Variants in FGF14 observed in about 807,000 individuals in gnomAD.
The protein encoded by FGF14 is fibroblast growth factor 14, also known as fibroblast growth factor homologous factor 4.
A neutral mutation model predicts 25.5 loss-of-function variants in FGF14; 5 were observed. The observed-to-expected ratio is 0.20, with a 90% CI of 0.10 to 0.41. The LOEUF is 0.41. Among genes scored for constraint, FGF14 ranks in the 10% least tolerant of loss-of-function variants. FGF14 has a pLI of 1.00. For synonymous variants in FGF14, 138 were observed against 118.3 expected (o/e 1.17, Z -1.08); for missense variants, 222 against 320.1 (o/e 0.69, Z 2.34).
chr13:102,055,521 T>G (rs1223515305), intron 1 of FGF14, among the ~76,000 whole-genome samples: 1 of 152,232 alleles, frequency 6.6e-6, no homozygotes, highest in African/African-American at 2.4e-5. Context: ...TGGAATAAAA[T>G]CTAAACTCTT....
chr13:101,912,564 T>C (rs1372513885), intron 1 of FGF14, among the ~76,000 whole-genome samples: 2 of 152,220 alleles, frequency 1.3e-5, no homozygotes, highest in African/African-American at 4.8e-5. Context: ...ATTTGCAAAC[T>C]GTTGATTTCC....
At chr13:101,785,342 T>C (rs2039745235) in intron 3 of FGF14, among the ~76,000 whole-genome samples, 1 of 135,322 alleles carries the variant, frequency 7.4e-6, no homozygotes. Context: ...GCCTAGCTTC[T>C]CCCAAAGATT....
intron 1 of FGF14, among the ~76,000 whole-genome samples, chr13:102,399,364 C>G (rs2058650608): frequency 3.3e-5 from 5 of 152,218 alleles, no homozygotes; most frequent in Admixed American, 3.3e-4. Flanking sequence ...TGTTTTTGCA[C>G]TATTCCTTTC....
intron 3 of FGF14, among the ~76,000 whole-genome samples, chr13:101,747,935 A>G (rs1251736732): frequency 6.6e-6 from 1 of 152,090 alleles, no homozygotes; most frequent in Non-Finnish European, 1.5e-5. Flanking sequence ...TGCACCAGAA[A>G]GAATAATTAT....
At chr13:102,326,623 A>C (rs2056432527) in intron 1 of FGF14, among the ~76,000 whole-genome samples, 1 of 136,650 alleles carries the variant, frequency 7.3e-6, no homozygotes, top group South Asian at 2.8e-4. Context: ...GAAGGAGGGA[A>C]GGAGGGAAAG....
chr13:101,840,132 G>A (rs1052842716), intron 3 of FGF14, among the ~76,000 whole-genome samples: 1 of 151,972 alleles, frequency 6.6e-6, no homozygotes, highest in Admixed American at 6.6e-5. Flanking sequence ...CCAATGTAAA[G>A]TGGACACCTG....
At chr13:101,837,691 A>C (rs565116959) in intron 3 of FGF14, among the ~76,000 whole-genome samples, 2 of 152,228 alleles carry the variant, frequency 1.3e-5, no homozygotes, top group East Asian at 3.9e-4. Flanking sequence ...AAACTTCCTT[A>C]AAATAATCTA....
intron 3 of FGF14, among the ~76,000 whole-genome samples, chr13:101,735,580 C>T (rs534374837): frequency 1.8e-3 from 279 of 152,026 alleles, no homozygotes; most frequent in Non-Finnish European, 3.3e-3. Context: ...CAACCTGTAT[C>T]CACCTTTTCC....
chr13:101,837,759 C>A (rs548774209), intron 3 of FGF14, among the ~76,000 whole-genome samples: 1 of 151,922 alleles, frequency 6.6e-6, no homozygotes, highest in African/African-American at 2.4e-5. Context: ...ATTGTCCTTG[C>A]GATGGTTAAT....
intron 1 of FGF14, among the ~76,000 whole-genome samples, chr13:102,281,661 G>A (rs922084151): frequency 1.1e-4 from 17 of 148,704 alleles, no homozygotes; most frequent in African/African-American, 2.5e-4. Flanking sequence ...TTTATCTTAC[G>A]TATTCCACTA....
chr13:101,789,932 ATTC>A (rs1406277759), intron 3 of FGF14, among the ~76,000 whole-genome samples: 3 of 151,502 alleles, frequency 2.0e-5, no homozygotes, highest in African/African-American at 7.3e-5. Flanking sequence ...CCCTTACATT[ATTC>A]TTATTTTTTT....
At chr13:102,265,906 GA>G (rs547933594) in intron 1 of FGF14, among the ~76,000 whole-genome samples, 48 of 150,462 alleles carry the variant, frequency 3.2e-4, no homozygotes, top group South Asian at 2.1e-3. Context: ...AATATAAGAA[GA>G]AAAAAAAATT....
intron 1 of FGF14, among the ~76,000 whole-genome samples, chr13:102,216,282 C>A (rs1022466183): frequency 1.3e-5 from 2 of 152,106 alleles, no homozygotes; most frequent in Non-Finnish European, 2.9e-5. Context: ...AGATAGAATG[C>A]CTGGCTTCAC....
intron 3 of FGF14, among the ~76,000 whole-genome samples, chr13:101,860,615 T>C (rs991000254): frequency 6.6e-6 from 1 of 152,012 alleles, no homozygotes; most frequent in Non-Finnish European, 1.5e-5. Context: ...CTCACTCTGT[T>C]GCCCAGGCTG....
chr13:102,004,075 C>T (rs1479018957), intron 1 of FGF14, among the ~76,000 whole-genome samples: 1 of 152,136 alleles, frequency 6.6e-6, no homozygotes, highest in East Asian at 1.9e-4. Context: ...CAGATTTCAT[C>T]AGGGAGCTTG....
intron 3 of FGF14, among the ~76,000 whole-genome samples, chr13:101,811,587 T>A (rs575143600): frequency 6.6e-6 from 1 of 152,372 alleles, no homozygotes; most frequent in African/African-American, 2.4e-5. Flanking sequence ...GTGCATTTTT[T>A]ATGTGTACAC....
intron 1 of FGF14, among the ~76,000 whole-genome samples, chr13:102,060,310 G>T (rs1431845444): frequency 6.6e-6 from 1 of 152,134 alleles, no homozygotes; most frequent in African/African-American, 2.4e-5. Context: ...GGGATCATGA[G>T]GTCAAGAGAT....
intron 3 of FGF14, among the ~76,000 whole-genome samples, chr13:101,803,994 G>A (rs186733594): frequency 1.3e-5 from 2 of 152,016 alleles, no homozygotes; most frequent in Admixed American, 6.6e-5. Flanking sequence ...GTGTGAGGCT[G>A]GAAAGGGCAT....
At chr13:102,074,753 TTATC>T (rs1490000162) in intron 1 of FGF14, among the ~76,000 whole-genome samples, 1 of 152,172 alleles carries the variant, frequency 6.6e-6, no homozygotes, top group Non-Finnish European at 1.5e-5. Flanking sequence ...TAAGTGCAAT[TTATC>T]CTAGGGATGT....
Sources: allele counts gnomAD v4.1 joint callset (sites outside exome capture counted in the v4.1 genomes callset), GRCh38; gene constraint gnomAD v4.1.1; transcripts MANE v1.5; gene names NCBI Gene and HGNC (gene_info 2026-07-23, HGNC 2026-07-21).